The following TRAPPC3L variants were observed in gnomAD, a reference collection of about 807,000 sequenced individuals.
The protein encoded by TRAPPC3L is trafficking protein particle complex subunit 3-like protein.
TRAPPC3L carries 23 observed loss-of-function variants against 23.7 expected under a neutral mutation model. The ratio of observed to expected loss-of-function variants is 0.97; its 90% confidence interval spans 0.70 to 1.37. TRAPPC3L has a LOEUF of 1.37. Ranked by LOEUF, TRAPPC3L falls within the 40% of genes most tolerant of loss-of-function variation. TRAPPC3L has a pLI of 0.00. For synonymous variants in TRAPPC3L, 81 were observed against 77.9 expected (o/e 1.04, Z -0.21); for missense variants, 212 against 216.8 (o/e 0.98, Z 0.14).
At chr6:116,498,613 A>G (rs958368605) in intron 4 of TRAPPC3L, among the ~76,000 whole-genome samples, 1 of 152,234 alleles carries the variant, frequency 6.6e-6, no homozygotes, top group Admixed American at 6.5e-5. Context: ...TGGCTCACCA[A>G]TCTATGACAG....
chr6:116,500,422 A>T, intron 4 of TRAPPC3L, 59 bp downstream of exon 4: 1 of 1,423,674 alleles, frequency 7.0e-7, no homozygotes, highest in Non-Finnish European at 9.5e-7. Flanking sequence ...TGGTTATCTT[A>T]TTTTAGCCTT....
At chr6:116,518,093 T>G (rs1365326238) in intron 3 of TRAPPC3L, 1 of 152,158 alleles carries the variant, frequency 6.6e-6, no homozygotes, top group Non-Finnish European at 1.5e-5. Flanking sequence ...AGCCCTTTCC[T>G]GAGTTCTGTG....
chr6:116,532,897 C>G (rs1276628293), intron 3 of TRAPPC3L, among the ~76,000 whole-genome samples: 2 of 152,230 alleles, frequency 1.3e-5, no homozygotes, highest in African/African-American at 4.8e-5. Flanking sequence ...GCTTACTTAT[C>G]TTAACATTAC....
At chr6:116,517,999 C>T (rs1474492805) in intron 3 of TRAPPC3L, 14 of 152,310 alleles carry the variant, frequency 9.2e-5, no homozygotes, top group Non-Finnish European at 2.9e-5. Flanking sequence ...AGCTCCGTGC[C>T]CCTTCCCCCA....
intron 3 of TRAPPC3L, among the ~76,000 whole-genome samples, chr6:116,514,761 G>A (rs1448999389): frequency 6.6e-6 from 1 of 152,108 alleles, no homozygotes; most frequent in Admixed American, 6.6e-5. Context: ...TGGTCTGAAT[G>A]GGTTCATTTG....
chr6:116,495,721 G>C lies in TRAPPC3L; in HGVS notation c.*1233C>G, dbSNP rs1264118775. On this transcript the variant is annotated 3_prime_UTR_variant, in exon 5 of 5. Coordinates refer to ENST00000368602, the MANE Select transcript of TRAPPC3L (RefSeq NM_001139444.3). ...TAAAAGCCATTTTTAACTAGGGTGAGATAATATCTCATTATAGTTTTGATT... is the reference window on the plus strand; with the variant it reads ...TAAAAGCCATTTTTAACTAGGGTGACATAATATCTCATTATAGTTTTGATT... 4 of 152,158 alleles carry C rather than the reference G, an allele frequency of 2.6e-5. No homozygotes were observed. The highest frequency in any genetic ancestry group is 7.2e-5 in the African/African-American group (3 of 41,424). 9.4% of individuals were successfully genotyped at this position (152,158 alleles called of 1,614,324 possible).
intron 3 of TRAPPC3L, chr6:116,515,764 C>A (rs1314282526): frequency 6.2e-7 from 1 of 1,613,898 alleles, no homozygotes; most frequent in Non-Finnish European, 8.5e-7. Context: ...ACTATGCCAA[C>A]AAGCTGAGCG....
At position 116,497,085 on chromosome 6, in the gene TRAPPC3L, GAA is replaced by G; in HGVS notation, c.427-14_427-13del. 1 of 1,530,256 alleles carries G rather than the reference GAA, an allele frequency of 6.5e-7. No homozygotes were observed. The highest frequency in any genetic ancestry group is 2.5e-5 in the East Asian group (1 of 39,894). 94.8% of individuals were successfully genotyped at this position (1,530,256 alleles called of 1,614,324 possible). ...GCCGCCAAATGAACCTAGGAAAGAA[GAA>G]AAAAACAGGCCTGTGTCATTCAATT... On this transcript the variant is annotated splice_polypyrimidine_tract_variant and intron_variant, in intron 4 of 4. Transcript: ENST00000368602.
At chr6:116,530,947 T>TA (rs1772679027) in intron 3 of TRAPPC3L, among the ~76,000 whole-genome samples, 2 of 121,050 alleles carry the variant, frequency 1.7e-5, no homozygotes, top group African/African-American at 6.2e-5. Flanking sequence ...ATATATATGT[T>TA]ACTAATTTCC....
intron 3 of TRAPPC3L, among the ~76,000 whole-genome samples, chr6:116,539,033 T>C (rs1416253681): frequency 6.6e-6 from 1 of 152,132 alleles, no homozygotes; most frequent in Non-Finnish European, 1.5e-5. Flanking sequence ...GAGGGAGTCA[T>C]TCTCAAACCA....
intron 3 of TRAPPC3L, among the ~76,000 whole-genome samples, chr6:116,509,591 A>T (rs985242251): frequency 1.3e-5 from 2 of 152,314 alleles, no homozygotes; most frequent in Admixed American, 6.5e-5. Context: ...CACTGTATCC[A>T]TTAAAAGGTG....
At chr6:116,497,859 G>A (rs906944333) in intron 4 of TRAPPC3L, among the ~76,000 whole-genome samples, 2 of 152,192 alleles carry the variant, frequency 1.3e-5, no homozygotes, top group African/African-American at 2.4e-5. Flanking sequence ...ATGCCCACAT[G>A]TAGCAGGCAA....
intron 4 of TRAPPC3L, among the ~76,000 whole-genome samples, chr6:116,497,992 G>T (rs779053683): frequency 4.6e-5 from 7 of 152,096 alleles, no homozygotes; most frequent in Non-Finnish European, 7.4e-5. Context: ...TACTGGGCCC[G>T]GCCTTGCAAT....
chr6:116,540,549 C>T, intron 2 of TRAPPC3L, 87 bp from the exon 3 acceptor site: 2 of 1,345,044 alleles, frequency 1.5e-6, no homozygotes, highest in Non-Finnish European at 2.1e-6. Flanking sequence ...GTGTGTTTAG[C>T]ACTTGTGCAA....
chr6:116,543,644 T>C (rs1773596869), intron 1 of TRAPPC3L: 2 of 675,402 alleles, frequency 3.0e-6, no homozygotes, highest in Non-Finnish European at 5.1e-6. Flanking sequence ...GATAACATCT[T>C]TCTATGCATT....
intron 3 of TRAPPC3L, among the ~76,000 whole-genome samples, chr6:116,508,565 A>C (rs1772046932): frequency 6.6e-6 from 1 of 152,202 alleles, no homozygotes; most frequent in South Asian, 2.1e-4. Context: ...ACTAATCAAA[A>C]GGTTACTATT....
chr6:116,495,177 C>G lies in TRAPPC3L; in HGVS notation c.*1777G>C, dbSNP rs1245198731. 6.6e-6 allele frequency: 1 copy of G among 150,720 alleles called. No individual in the cohort carries two copies. Among genetic ancestry groups the G allele is most frequent in the Admixed American group, 6.6e-5 (1 of 15,046 alleles). The allele number at this position is 150,720 out of a possible 1,614,324, so 9.3% of individuals were successfully genotyped here. The stretch of plus-strand genomic sequence containing the variant: ...TCCACTCCTCTTGAAACTACCCTTC[C>G]CAGCCTCTGATATCCATCATTTTAC... On this transcript the variant is annotated 3_prime_UTR_variant, in exon 5 of 5. Transcript: ENST00000368602.
At chr6:116,521,651 T>C (rs949060764) in intron 3 of TRAPPC3L, 4 of 152,146 alleles carry the variant, frequency 2.6e-5, no homozygotes, top group African/African-American at 9.7e-5. Flanking sequence ...CTGATTCAAA[T>C]GCCAATCTTT....
chr6:116,509,945 T>G (rs1406897787), intron 3 of TRAPPC3L, among the ~76,000 whole-genome samples: 4 of 152,074 alleles, frequency 2.6e-5, no homozygotes, highest in African/African-American at 4.8e-5. Flanking sequence ...AGGACTAATA[T>G]CCAGTATCTA....
Sources: gnomAD v4.1 joint callset for allele counts (sites outside exome capture counted in the v4.1 genomes callset) on GRCh38, gnomAD v4.1.1 for gene constraint, MANE v1.5 for transcripts, NCBI Gene and HGNC (gene_info 2026-07-23, HGNC 2026-07-21) for gene names.